LUZP2: variants seen among roughly 807,000 people sequenced by gnomAD.
The protein encoded by LUZP2 is leucine zipper protein 2.
In LUZP2, 52 loss-of-function variants were observed where a neutral mutation model predicts 51.6. The observed-to-expected ratio is 1.01, with a 90% CI of 0.81 to 1.27. LUZP2 has a LOEUF of 1.27. Among genes scored for constraint, LUZP2 ranks in the 50% most tolerant of loss-of-function variants. The pLI, the probability that LUZP2 is intolerant of heterozygous loss-of-function variation, is 0.00. For synonymous variants in LUZP2, 154 were observed against 137.3 expected (o/e 1.12, Z -0.85); for missense variants, 436 against 395.4 (o/e 1.10, Z -0.87).
At chr11:24,865,533 A>G (rs186351216) in intron 5 of LUZP2, among the ~76,000 whole-genome samples, 1 of 152,264 alleles carries the variant, frequency 6.6e-6, no homozygotes, top group Admixed American at 6.5e-5. Flanking sequence ...AGCACAGGCT[A>G]TAGGCAGGAG....
chr11:24,735,045 C>G lies in LUZP2; in HGVS notation c.251+2857C>G, dbSNP rs1345658640. Reference sequence around the variant, plus strand: ...AATCAATTAGTGTCTCCCTTTGGAACTGTAACGTAGAGGCAACTAATAAGT... The same window carrying G: ...AATCAATTAGTGTCTCCCTTTGGAAGTGTAACGTAGAGGCAACTAATAAGT... On this transcript the variant is annotated intron_variant, in intron 3 of 11. Transcript: ENST00000336930. Among the ~76,000 whole-genome samples, 6 of 151,978 alleles carry G rather than the reference C, an allele frequency of 3.9e-5. No homozygotes were observed. The East Asian group carries it at 1.2e-3, about 29-fold the overall frequency.
At chr11:24,689,977 C>G (rs952584399) in intron 1 of LUZP2, among the ~76,000 whole-genome samples, 1 of 151,992 alleles carries the variant, frequency 6.6e-6, no homozygotes, top group Non-Finnish European at 1.5e-5. Context: ...CTAAGAATGT[C>G]TGGAAAAGGT....
At chr11:24,724,975 T>C (rs1014484608) in intron 1 of LUZP2, among the ~76,000 whole-genome samples, 2 of 152,204 alleles carry the variant, frequency 1.3e-5, no homozygotes, top group East Asian at 1.9e-4. Context: ...AAAAACATAC[T>C]GGCATAATAA....
chr11:24,803,497 G>T (rs1193973872), intron 5 of LUZP2, among the ~76,000 whole-genome samples: 2 of 151,848 alleles, frequency 1.3e-5, no homozygotes, highest in Admixed American at 6.6e-5. Context: ...CAAATTTTCT[G>T]CAAGCAGAGT....
intron 4 of LUZP2, among the ~76,000 whole-genome samples, chr11:24,762,322 A>C (rs1860011385): frequency 6.6e-6 from 1 of 152,192 alleles, no homozygotes; most frequent in Admixed American, 6.6e-5. Context: ...TGACTAATCC[A>C]AACTGAGATG....
intron 5 of LUZP2, among the ~76,000 whole-genome samples, chr11:24,773,641 C>A (rs1392171857): frequency 6.6e-6 from 1 of 152,150 alleles, no homozygotes; most frequent in Non-Finnish European, 1.5e-5. Context: ...GTGAATTATT[C>A]ATGGCTTGGG....
chr11:24,855,728 T>C lies in LUZP2; in HGVS notation c.397-50263T>C, dbSNP rs571235252. Among the ~76,000 whole-genome samples, 7 of 152,268 alleles carry C rather than the reference T, an allele frequency of 4.6e-5. No individual in the cohort carries two copies. In the South Asian group the frequency reaches 1.4e-3, roughly 32 times the overall value. On this transcript the variant is annotated intron_variant, in intron 5 of 11. Transcript: ENST00000336930. ...CCTGATCTCAAATTATAACACAGGC[T>C]ATAGTAATTAAAACAGCATGGTACT...
chr11:24,515,155 A>C (rs1201318684), intron 1 of LUZP2, among the ~76,000 whole-genome samples: 1 of 152,202 alleles, frequency 6.6e-6, no homozygotes, highest in South Asian at 2.1e-4. Context: ...CCTCTGATGT[A>C]GGAGTTACAC....
chr11:24,593,020 C>T (rs1264381002), intron 1 of LUZP2, among the ~76,000 whole-genome samples: 3 of 152,004 alleles, frequency 2.0e-5, no homozygotes, highest in African/African-American at 7.2e-5. Context: ...ATTTTGACAC[C>T]TCGATTCTTT....
At chr11:24,551,059 A>G (rs1851710306) in intron 1 of LUZP2, among the ~76,000 whole-genome samples, 1 of 152,118 alleles carries the variant, frequency 6.6e-6, no homozygotes, top group African/African-American at 2.4e-5. Flanking sequence ...AGAAGAGGGG[A>G]AAAATATCTT....
intron 1 of LUZP2, among the ~76,000 whole-genome samples, chr11:24,667,197 T>TTG (rs1317712177): frequency 6.6e-6 from 1 of 150,484 alleles, no homozygotes; most frequent in East Asian, 1.9e-4. Context: ...TTTTTTTTTT[T>TTG]TTTTGAGACG....
intron 9 of LUZP2, among the ~76,000 whole-genome samples, chr11:25,018,743 A>G (rs11028350): frequency 0.59 from 88,558 of 151,260 alleles, 27,121 homozygotes; most frequent in African/African-American, 0.77. Flanking sequence ...AAGTAGCTGG[A>G]ATTACAGGTG....
intron 9 of LUZP2, among the ~76,000 whole-genome samples, chr11:25,018,594 TC>T (rs1857232888): frequency 7.4e-6 from 1 of 134,736 alleles, no homozygotes; most frequent in Non-Finnish European, 1.5e-5. Flanking sequence ...CATTATTAAT[TC>T]CTTTTTCCTT....
chr11:24,880,742 GTGTGTGTGTGTGTATGTGTA>G (rs1565045249), intron 5 of LUZP2, among the ~76,000 whole-genome samples: 1 of 151,942 alleles, frequency 6.6e-6, no homozygotes, highest in Non-Finnish European at 1.5e-5. Flanking sequence ...TGAAGAATGT[GTGTGTGTGTGTGTATGTGTA>G]TGTGTGTGTG....
chr11:24,921,363 C>G (rs949939953), intron 7 of LUZP2, among the ~76,000 whole-genome samples: 16 of 152,088 alleles, frequency 1.1e-4, no homozygotes, highest in African/African-American at 3.9e-4. Flanking sequence ...AAACCTGGCC[C>G]TCCCACCTTA....
intron 7 of LUZP2, among the ~76,000 whole-genome samples, chr11:24,926,581 A>ATATATGTGTGTATATATACGTGTG: frequency 6.8e-6 from 1 of 147,834 alleles, no homozygotes; most frequent in Non-Finnish European, 1.5e-5. Flanking sequence ...ATACGTGTAT[A>ATATATGTGTGTATATATACGTGTG]TATATGTGTG....
intron 1 of LUZP2, 38 bp from the exon 2 acceptor site, chr11:24,729,131 C>A (rs772035179): frequency 1.4e-5 from 16 of 1,126,254 alleles, no homozygotes; most frequent in African/African-American, 1.3e-4. Flanking sequence ...CAAGTGGAAC[C>A]ATTTGGGGGG....
chr11:25,030,857 CGT>C (rs1297525162), intron 9 of LUZP2, among the ~76,000 whole-genome samples: 1 of 117,290 alleles, frequency 8.5e-6, no homozygotes, highest in Non-Finnish European at 1.7e-5. Flanking sequence ...GTATGTGTAG[CGT>C]GTGTTTGTGT....
chr11:24,886,750 C>T (rs1417195359), intron 5 of LUZP2, among the ~76,000 whole-genome samples: 3 of 152,092 alleles, frequency 2.0e-5, no homozygotes, highest in African/African-American at 7.2e-5. Flanking sequence ...CTGAAATAAA[C>T]ACACATGGTT....
Sources: allele counts gnomAD v4.1 joint callset (sites outside exome capture counted in the v4.1 genomes callset), GRCh38; gene constraint gnomAD v4.1.1; transcripts MANE v1.5; gene names NCBI Gene and HGNC (gene_info 2026-07-23, HGNC 2026-07-21).